SPON1: variants seen among roughly 807,000 people sequenced by gnomAD.
SPON1 encodes spondin-1.
A neutral mutation model predicts 111.7 loss-of-function variants in SPON1; 52 were observed. The observed-to-expected ratio is 0.47, with a 90% CI of 0.37 to 0.59. The LOEUF (loss-of-function observed/expected upper bound fraction) is 0.59, where lower values mean the gene tolerates loss of function less well. Ranked by LOEUF, SPON1 falls within the 20% of genes least tolerant of loss-of-function variation. The pLI is 0.00. For missense variants in SPON1, 957 were observed against 1,068.5 expected (o/e 0.90, Z 1.46); for synonymous variants, 410 against 395.8 (o/e 1.04, Z -0.43).
chr11:14,084,867 T>A (rs1357428608), intron 5 of SPON1, among the ~76,000 whole-genome samples: 20 of 152,250 alleles, frequency 1.3e-4, no homozygotes, highest in African/African-American at 4.8e-4. Flanking sequence ...GGTATCTCAT[T>A]GTGGTTTTGA....
intron 3 of SPON1, among the ~76,000 whole-genome samples, chr11:14,055,195 A>G (rs1554919044): frequency 6.6e-6 from 1 of 152,144 alleles, no homozygotes; most frequent in African/African-American, 2.4e-5. Context: ...ACACACTCCT[A>G]TCTTTCTATT....
chr11:14,007,812 G>T lies in SPON1; in HGVS notation c.345+24859G>T, dbSNP rs558299296. ...GACGATTTGTTCCTTGCCTCTTGCG[G>T]CTTCTGGTGACTGTCAGCAGGCTTG... On this transcript the variant is annotated intron_variant, in intron 2 of 15. Transcript: ENST00000576479. Among the ~76,000 whole-genome samples the T allele has an allele frequency of 2.0e-5, 3 of 152,268 alleles. No individual in the cohort carries two copies. In the South Asian group the frequency reaches 6.2e-4, roughly 32 times the overall value.
chr11:14,143,263 T>G (rs1591387571), intron 6 of SPON1, among the ~76,000 whole-genome samples: 1 of 152,264 alleles, frequency 6.6e-6, no homozygotes, highest in East Asian at 1.9e-4. Context: ...CAGTTTATAC[T>G]AAGAAGGGAA....
intron 6 of SPON1, among the ~76,000 whole-genome samples, chr11:14,218,316 G>A (rs1340413687): frequency 2.0e-5 from 3 of 152,110 alleles, no homozygotes; most frequent in African/African-American, 7.2e-5. Flanking sequence ...GTGTCAAGCA[G>A]TTTATGAAAT....
chr11:14,198,577 A>G (rs1848426980), intron 6 of SPON1, among the ~76,000 whole-genome samples: 3 of 152,216 alleles, frequency 2.0e-5, no homozygotes. Context: ...GTCTCCATAC[A>G]CACTGCTCTG....
intron 5 of SPON1, among the ~76,000 whole-genome samples, chr11:14,130,088 C>T (rs1170709141): frequency 6.6e-6 from 1 of 152,210 alleles, no homozygotes; most frequent in Non-Finnish European, 1.5e-5. Context: ...TCAATCCTCA[C>T]TATAACCTTA....
intron 2 of SPON1, among the ~76,000 whole-genome samples, chr11:13,997,681 GGA>G (rs1313453775): frequency 2.6e-5 from 4 of 152,188 alleles, no homozygotes; most frequent in African/African-American, 9.7e-5. Context: ...CCACAGGTGA[GGA>G]GAGAGACAGT....
intron 2 of SPON1, among the ~76,000 whole-genome samples, chr11:14,022,146 T>C (rs1848485510): frequency 6.6e-6 from 1 of 152,240 alleles, no homozygotes; most frequent in Non-Finnish European, 1.5e-5. Flanking sequence ...AGGGTCGTTA[T>C]GAATTGGTTA....
intron 6 of SPON1, among the ~76,000 whole-genome samples, chr11:14,154,207 G>C (rs559349141): frequency 1.3e-5 from 2 of 152,226 alleles, no homozygotes; most frequent in African/African-American, 4.8e-5. Flanking sequence ...CCCCAGTAAG[G>C]ATACTGTGTG....
intron 2 of SPON1, among the ~76,000 whole-genome samples, chr11:13,989,717 A>G (rs1347885362): frequency 6.6e-6 from 1 of 152,124 alleles, no homozygotes; most frequent in Non-Finnish European, 1.5e-5. Flanking sequence ...ACTGCTTTAA[A>G]TGTGTCCCAG....
At chr11:14,091,454 A>C (rs1333046418) in intron 5 of SPON1, among the ~76,000 whole-genome samples, 1 of 152,190 alleles carries the variant, frequency 6.6e-6, no homozygotes, top group Non-Finnish European at 1.5e-5. Flanking sequence ...GGCGGGCTGC[A>C]GGTCCCGAGC....
At chr11:14,232,445 A>C (rs1340108374) in intron 6 of SPON1, among the ~76,000 whole-genome samples, 4 of 151,994 alleles carry the variant, frequency 2.6e-5, no homozygotes, top group Non-Finnish European at 5.9e-5. Context: ...AACCCAACCC[A>C]CATGCTCTCT....
chr11:14,184,962 G>T (rs782371825), intron 6 of SPON1, among the ~76,000 whole-genome samples: 1 of 152,098 alleles, frequency 6.6e-6, no homozygotes, highest in Non-Finnish European at 1.5e-5. Flanking sequence ...TCAGAAGAAG[G>T]GTACACCATG....
chr11:14,242,939 C>T (rs895366736), intron 6 of SPON1, among the ~76,000 whole-genome samples: 1 of 152,222 alleles, frequency 6.6e-6, no homozygotes, highest in Non-Finnish European at 1.5e-5. Context: ...CTCCTGCTGA[C>T]CCAGCTGGCC....
intron 11 of SPON1, among the ~76,000 whole-genome samples, chr11:14,258,357 C>T (rs1849133134): frequency 6.6e-6 from 1 of 152,210 alleles, no homozygotes; most frequent in Admixed American, 6.5e-5. Flanking sequence ...GGGCTGATTG[C>T]AGAAATTCTC....
chr11:14,229,370 C>A (rs1191251634), intron 6 of SPON1, among the ~76,000 whole-genome samples: 1 of 152,080 alleles, frequency 6.6e-6, no homozygotes, highest in Non-Finnish European at 1.5e-5. Flanking sequence ...CAGGAGCATT[C>A]CAGACAGAAG....
intron 6 of SPON1, among the ~76,000 whole-genome samples, chr11:14,225,080 C>G (rs1421736701): frequency 6.6e-6 from 1 of 152,112 alleles, no homozygotes; most frequent in Non-Finnish European, 1.5e-5. Flanking sequence ...GTGAATTTTC[C>G]TAAGCCAGGT....
chr11:14,080,408 T>C (rs566912589), intron 5 of SPON1, among the ~76,000 whole-genome samples: 1 of 152,114 alleles, frequency 6.6e-6, no homozygotes, highest in Non-Finnish European at 1.5e-5. Flanking sequence ...TTTGTATTTT[T>C]AGTAGAGATG....
intron 6 of SPON1, among the ~76,000 whole-genome samples, chr11:14,211,216 T>C (rs1420419997): frequency 2.0e-5 from 3 of 152,214 alleles, no homozygotes; most frequent in African/African-American, 7.2e-5. Flanking sequence ...GACATGATTG[T>C]GTATTTAGAA....
Sources: allele counts gnomAD v4.1 joint callset (sites outside exome capture counted in the v4.1 genomes callset), GRCh38; gene constraint gnomAD v4.1.1; transcripts MANE v1.5; gene names NCBI Gene and HGNC (gene_info 2026-07-23, HGNC 2026-07-21).